Variants in HDAC9 observed in about 807,000 individuals in gnomAD.
HDAC9 encodes histone deacetylase 9.
In HDAC9, 41 loss-of-function variants were observed where a neutral mutation model predicts 139.4. That is an observed-to-expected ratio of 0.29 (90% CI 0.23 to 0.38). The LOEUF is 0.38. Ranked by LOEUF, HDAC9 falls within the 10% of genes least tolerant of loss-of-function variation. The pLI, the probability that HDAC9 is intolerant of heterozygous loss-of-function variation, is 1.00. For missense variants in HDAC9, 1,147 were observed against 1,297.0 expected (o/e 0.88, Z 1.78); for synonymous variants, 517 against 476.2 (o/e 1.09, Z -1.12).
intron 13 of HDAC9, among the ~76,000 whole-genome samples, chr7:18,736,252 C>G (rs1331449454): frequency 6.6e-6 from 1 of 152,102 alleles, no homozygotes; most frequent in South Asian, 2.1e-4. Flanking sequence ...ATTGCCCTGG[C>G]CAGAAGTTCC....
intron 1 of HDAC9, among the ~76,000 whole-genome samples, chr7:18,382,916 A>G (rs928573706): frequency 9.2e-5 from 14 of 152,194 alleles, no homozygotes; most frequent in Admixed American, 8.5e-4. Context: ...TAAATGTGCA[A>G]ATACAAATAT....
At chr7:18,283,505 T>C (rs1460929102) in intron 2 of HDAC9, among the ~76,000 whole-genome samples, 2 of 152,318 alleles carry the variant, frequency 1.3e-5, no homozygotes, top group East Asian at 3.9e-4. Context: ...ATACCAAGTT[T>C]ATGTAAAGCA....
At chr7:18,697,177 G>A (rs1783113282) in intron 12 of HDAC9, among the ~76,000 whole-genome samples, 1 of 152,146 alleles carries the variant, frequency 6.6e-6, no homozygotes, top group Non-Finnish European at 1.5e-5. Flanking sequence ...TTCAGCAGTA[G>A]TAAATCTGGA....
chr7:18,785,765 T>A (rs1791662235), intron 16 of HDAC9, among the ~76,000 whole-genome samples: 1 of 152,140 alleles, frequency 6.6e-6, no homozygotes, highest in Non-Finnish European at 1.5e-5. Flanking sequence ...AAAATTACTA[T>A]GGGCTAACAG....
At chr7:18,906,688 A>T (rs1479596330) in intron 22 of HDAC9, among the ~76,000 whole-genome samples, 1 of 152,172 alleles carries the variant, frequency 6.6e-6, no homozygotes, top group African/African-American at 2.4e-5. Context: ...AGTGACTCTG[A>T]AGACCTTGTT....
At chr7:18,179,277 C>G (rs1789196976) in intron 2 of HDAC9, among the ~76,000 whole-genome samples, 1 of 152,198 alleles carries the variant, frequency 6.6e-6, no homozygotes. Flanking sequence ...GTATCATCCA[C>G]TAACAATAAT....
chr7:18,561,311 A>G (rs1275987361), intron 2 of HDAC9, among the ~76,000 whole-genome samples: 2 of 152,214 alleles, frequency 1.3e-5, no homozygotes, highest in Non-Finnish European at 2.9e-5. Flanking sequence ...TAAAAATTCT[A>G]AAGGAATATG....
chr7:18,628,068 T>C (rs1398298947), intron 6 of HDAC9, among the ~76,000 whole-genome samples: 1 of 152,162 alleles, frequency 6.6e-6, no homozygotes, highest in Non-Finnish European at 1.5e-5. Flanking sequence ...AAATATAAAT[T>C]CCCTCAAAAA....
intron 21 of HDAC9, among the ~76,000 whole-genome samples, chr7:18,836,937 A>T (rs1796278471): frequency 6.6e-6 from 1 of 152,070 alleles, no homozygotes; most frequent in Non-Finnish European, 1.5e-5. Flanking sequence ...ATAAGTTCCC[A>T]TGAAGAAAAT....
At chr7:18,506,574 T>G (rs1013842306) in intron 2 of HDAC9, among the ~76,000 whole-genome samples, 3 of 152,188 alleles carry the variant, frequency 2.0e-5, no homozygotes, top group Admixed American at 2.0e-4. Flanking sequence ...CTCAATTTTT[T>G]TTTTTTAATC....
chr7:18,418,889 A>G (rs992928425), intron 1 of HDAC9, among the ~76,000 whole-genome samples: 1 of 152,160 alleles, frequency 6.6e-6, no homozygotes, highest in Non-Finnish European at 1.5e-5. Flanking sequence ...ATACGCTCAA[A>G]TACTTTACCC....
intron 9 of HDAC9, among the ~76,000 whole-genome samples, chr7:18,645,191 G>T (rs1786988753): frequency 6.6e-6 from 1 of 152,098 alleles, no homozygotes; most frequent in African/African-American, 2.4e-5. Flanking sequence ...GGCAGACCTG[G>T]AACACAAGCC....
At chr7:18,268,773 T>C (rs530005233) in intron 2 of HDAC9, among the ~76,000 whole-genome samples, 8 of 152,172 alleles carry the variant, frequency 5.3e-5, no homozygotes, top group Non-Finnish European at 1.0e-4. Context: ...TGTAATGAGG[T>C]ATTTACTGAT....
intron 2 of HDAC9, chr7:18,517,543 A>G (rs1418537158): frequency 2.0e-5 from 3 of 152,152 alleles, no homozygotes; most frequent in Non-Finnish European, 4.4e-5. Flanking sequence ...TCTTCTATAC[A>G]TTCATTCTAA....
upstream of HDAC9, among the ~76,000 whole-genome samples, chr7:18,494,582 G>A (rs962741905): frequency 2.0e-5 from 3 of 152,022 alleles, no homozygotes; most frequent in Non-Finnish European, 4.4e-5. Context: ...TCTTTGGAAT[G>A]TAAAATTTAT....
chr7:18,427,700 CT>C (rs1248522301), intron 1 of HDAC9, among the ~76,000 whole-genome samples: 138 of 143,762 alleles, frequency 9.6e-4, no homozygotes, highest in East Asian at 1.0e-3. Flanking sequence ...CTTTCTTCTT[CT>C]TTTTTTTTTT....
At chr7:18,541,340 C>G (rs143829926) in intron 2 of HDAC9, among the ~76,000 whole-genome samples, 3 of 151,930 alleles carry the variant, frequency 2.0e-5, no homozygotes, top group East Asian at 1.9e-4. Context: ...AGCCAAGATT[C>G]CAGAAGAGCG....
chr7:18,817,197 C>A (rs1322621199), intron 17 of HDAC9, among the ~76,000 whole-genome samples: 1 of 151,966 alleles, frequency 6.6e-6, no homozygotes, highest in Non-Finnish European at 1.5e-5. Flanking sequence ...ACCACGCCTG[C>A]CTGATTTTTT....
chr7:18,745,854 T>C (rs919962411), intron 13 of HDAC9, among the ~76,000 whole-genome samples: 4 of 150,276 alleles, frequency 2.7e-5, no homozygotes, highest in African/African-American at 9.7e-5. Context: ...CCCGACTCTC[T>C]ACTCTTGAAG....
Sources: allele counts gnomAD v4.1 joint callset (sites outside exome capture counted in the v4.1 genomes callset), GRCh38; gene constraint gnomAD v4.1.1; transcripts MANE v1.5; gene names NCBI Gene and HGNC (gene_info 2026-07-23, HGNC 2026-07-21).